Variants in ZC2HC1B observed in about 807,000 individuals in gnomAD.
ZC2HC1B encodes zinc finger C2HC-type containing 1B.
A neutral mutation model predicts 31.0 loss-of-function variants in ZC2HC1B; 36 were observed. That is an observed-to-expected ratio of 1.16 (90% confidence interval 0.89 to 1.54). The LOEUF is 1.54. Among genes scored for constraint, ZC2HC1B ranks in the 40% most tolerant of loss-of-function variants. The probability of loss-of-function intolerance (pLI) is 0.00; values close to 1 mark genes in which losing one functional copy is unlikely to be tolerated. For missense variants in ZC2HC1B, 260 were observed against 268.6 expected (o/e 0.97, Z 0.22); for synonymous variants, 73 against 88.0 (o/e 0.83, Z 0.95).
chr6:143,901,370 G>A (rs971850366), intron 5 of ZC2HC1B, among the ~76,000 whole-genome samples: 1 of 133,362 alleles, frequency 7.5e-6, no homozygotes, highest in African/African-American at 2.9e-5. Context: ...AGCGATTCTT[G>A]TGACCCAGCC....
chr6:143,898,698 A>G lies in ZC2HC1B; in HGVS notation c.489+7A>G, dbSNP rs758970040. 1.4e-5 allele frequency: 21 copies of G among 1,551,874 alleles called. No homozygotes were observed. Among genetic ancestry groups the G allele is most frequent in the South Asian group, 7.1e-5 (6 of 84,054 alleles). Reference sequence around the variant, plus strand: ...ATTGGCATCCAGAGCTCAGGTAACTATCTCTCCCCAGGTGTTGGCTCTTGT... The same window carrying G: ...ATTGGCATCCAGAGCTCAGGTAACTGTCTCTCCCCAGGTGTTGGCTCTTGT... On this transcript the variant is annotated splice_region_variant and intron_variant, in intron 5 of 7. Coordinates refer to ENST00000237275, the MANE Select transcript of ZC2HC1B (RefSeq NM_001013623.3).
chr6:143,889,804 C>A (rs945221536), intron 4 of ZC2HC1B, among the ~76,000 whole-genome samples: 2 of 152,018 alleles, frequency 1.3e-5, no homozygotes, highest in Non-Finnish European at 2.9e-5. Context: ...CAGCAGTAAC[C>A]AATTTGACCT....
Position 143,871,055 on chromosome 6 carries a change from G to A in ZC2HC1B, c.28+6488G>A, listed in dbSNP as rs1347915141. 6.6e-6 allele frequency among the ~76,000 whole-genome samples: 1 copy of A among 152,060 alleles called. No individual in the cohort carries two copies. The highest frequency in any genetic ancestry group is 6.5e-5 in the Admixed American group (1 of 15,270). On this transcript the variant is annotated intron_variant, in intron 1 of 7. Transcript: ENST00000237275. This position sits in a 1 kb window ranked among gnomAD's most constrained non-coding sequence, Gnocchi z 4.1. ...TGCCTCTTTCTTGGTGGTAGGAGGGGCCAAATGCAGCAACTTATCCTTCAT... is the reference window on the plus strand; with the variant it reads ...TGCCTCTTTCTTGGTGGTAGGAGGGACCAAATGCAGCAACTTATCCTTCAT...
At chr6:143,910,992 A>T (rs546632964) in intron 6 of ZC2HC1B, among the ~76,000 whole-genome samples, 1 of 152,240 alleles carries the variant, frequency 6.6e-6, no homozygotes, top group South Asian at 2.1e-4. Context: ...ATCTCAGGTT[A>T]TTCACCTGCC....
intron 6 of ZC2HC1B, among the ~76,000 whole-genome samples, chr6:143,925,346 T>G (rs1368505866): frequency 6.6e-6 from 1 of 150,910 alleles, no homozygotes; most frequent in Admixed American, 6.6e-5. Context: ...TGGCTAATTT[T>G]TTGTATTTTT....
rs1328556846 is a variant in ZC2HC1B, at chr6:143,933,051, G to T, written c.599-4598G>T. Among the ~76,000 whole-genome samples the T allele has an allele frequency of 6.6e-6, 1 of 152,220 alleles. No homozygotes were observed. The highest frequency in any genetic ancestry group is 2.4e-5 in the African/African-American group (1 of 41,452). On this transcript the variant is annotated intron_variant, in intron 6 of 7. Transcript: ENST00000237275. The surrounding 1 kb of genome is among the most constrained non-coding windows in gnomAD (Gnocchi z 6.4). ...ACCTGTTCTGATGGAGGTGGCAGGG[G>T]AGTCAGGTAGACTCTGTGAGAGTCC...
At position 143,934,371 on chromosome 6, in the gene ZC2HC1B, C is replaced by A. The variant is rs1778153837; in HGVS notation, c.599-3278C>A. ...AGTGGGAGCTACTTATCAGCCCTGT[C>A]CCCTATCTGCCATCTTCCCTCTCTT... On this transcript the variant is annotated intron_variant, in intron 6 of 7. Transcript: ENST00000237275. This position sits in a 1 kb window ranked among gnomAD's most constrained non-coding sequence, Gnocchi z 4.6. Among the ~76,000 whole-genome samples the A allele has an allele frequency of 6.6e-6, 1 of 152,200 alleles. No individual in the cohort carries two copies. The highest frequency in any genetic ancestry group is 2.4e-5 in the African/African-American group (1 of 41,466).
At chr6:143,867,109 T>C (rs1408522494) in intron 1 of ZC2HC1B, among the ~76,000 whole-genome samples, 1 of 152,200 alleles carries the variant, frequency 6.6e-6, no homozygotes. Flanking sequence ...TAAGGTGACA[T>C]ACGAAATAAA....
rs1777998562 is a variant in ZC2HC1B, at chr6:143,922,881, A to C, written c.599-14768A>C. ...TGAATAAATACCCAAGAGTGAGATT[A>C]CTAGATTTTGTGTTAGTTGTATTGT... On this transcript the variant is annotated intron_variant, in intron 6 of 7. Coordinates refer to ENST00000237275, the MANE Select transcript of ZC2HC1B (RefSeq NM_001013623.3). This position sits in a 1 kb window ranked among gnomAD's most constrained non-coding sequence, Gnocchi z 5.0. Among the ~76,000 whole-genome samples the C allele has an allele frequency of 6.6e-6, 1 of 152,176 alleles. No homozygotes were observed. Among genetic ancestry groups the C allele is most frequent in the African/African-American group, 2.4e-5 (1 of 41,446 alleles).
At chr6:143,910,182 G>T (rs1319219965) in intron 6 of ZC2HC1B, among the ~76,000 whole-genome samples, 4 of 152,260 alleles carry the variant, frequency 2.6e-5, no homozygotes, top group African/African-American at 9.6e-5. Flanking sequence ...TTCAGGAGCA[G>T]GTTCCATGTA....
At chr6:143,874,838 A>G (rs531082872) in intron 1 of ZC2HC1B, among the ~76,000 whole-genome samples, 1 of 152,020 alleles carries the variant, frequency 6.6e-6, no homozygotes, top group African/African-American at 2.4e-5. Flanking sequence ...TCTTTTATTT[A>G]TTTTTTGTTT....
At chr6:143,882,334 TTATATATATA>T (rs59777839) in intron 1 of ZC2HC1B, among the ~76,000 whole-genome samples, 17 of 85,534 alleles carry the variant, frequency 2.0e-4, no homozygotes, top group South Asian at 1.3e-3. Context: ...TTTATATTTT[TTATATATATA>T]TATATATATA....
chr6:143,930,403 CT>C (rs1436635364), intron 6 of ZC2HC1B, among the ~76,000 whole-genome samples: 14 of 87,120 alleles, frequency 1.6e-4, no homozygotes, highest in African/African-American at 7.0e-4. Context: ...TTTTTTTTTC[CT>C]GAGACGGAGT....
intron 1 of ZC2HC1B, among the ~76,000 whole-genome samples, chr6:143,875,550 T>C (rs1777395884): frequency 6.6e-6 from 1 of 150,892 alleles, no homozygotes; most frequent in Admixed American, 6.6e-5. Flanking sequence ...GATCCAACTC[T>C]ATGTTCCTTC....
rs1003449156 is a variant in ZC2HC1B at position 143,868,296 on chromosome 6, T to C, written c.28+3729T>C. 6.6e-6 allele frequency among the ~76,000 whole-genome samples: 1 copy of C among 152,134 alleles called. No individual in the cohort carries two copies. The highest frequency in any genetic ancestry group is 1.5e-5 in the Non-Finnish European group (1 of 68,026). ...TATATAAAGGGGAATTTATTAAGTA[T>C]TAACTCACAATCACAAGGTCCCACA... is the stretch of plus-strand genomic sequence containing the variant. On this transcript the variant is annotated intron_variant, in intron 1 of 7. Transcript: ENST00000237275. This position sits in a 1 kb window ranked among gnomAD's most constrained non-coding sequence, Gnocchi z 4.2.
At chr6:143,916,832 C>T (rs1777922906) in intron 6 of ZC2HC1B, among the ~76,000 whole-genome samples, 1 of 152,194 alleles carries the variant, frequency 6.6e-6, no homozygotes, top group African/African-American at 2.4e-5. Flanking sequence ...AACTAATTTG[C>T]TTTTGATTTA....
intron 4 of ZC2HC1B, among the ~76,000 whole-genome samples, chr6:143,890,353 C>T (rs1317477870): frequency 1.3e-5 from 2 of 150,582 alleles, no homozygotes. Flanking sequence ...AGAGAAAAAG[C>T]CTTCCACAAA....
chr6:143,917,148 C>T lies in ZC2HC1B; in HGVS notation c.598+13996C>T, dbSNP rs1386589241. ...TGATAGTGAGTAAGTCTCATGAGAT[C>T]TGACGACTTTAAAAAGAGGAGCTCC... is the stretch of plus-strand genomic sequence containing the variant. On this transcript the variant is annotated intron_variant, in intron 6 of 7. Transcript: ENST00000237275. The surrounding 1 kb of genome is among the most constrained non-coding windows in gnomAD (Gnocchi z 4.1). Among the ~76,000 whole-genome samples the T allele has an allele frequency of 6.6e-6, 1 of 152,180 alleles. No individual in the cohort carries two copies. The highest frequency in any genetic ancestry group is 6.5e-5 in the Admixed American group (1 of 15,286).
chr6:143,911,539 C>G lies in ZC2HC1B; in HGVS notation c.598+8387C>G, dbSNP rs1777856122. The stretch of plus-strand genomic sequence containing the variant: ...CCTTTGCTTATGAAGCTTAGTTTGA[C>G]TGGATATGAAATTCTGGGTTGGAAA... On this transcript the variant is annotated intron_variant, in intron 6 of 7. Coordinates refer to ENST00000237275, the MANE Select transcript of ZC2HC1B (RefSeq NM_001013623.3). The surrounding 1 kb of genome is among the most constrained non-coding windows in gnomAD (Gnocchi z 4.5). Among the ~76,000 whole-genome samples, 1 of 152,166 alleles carries G rather than the reference C, an allele frequency of 6.6e-6. No homozygotes were observed.
Sources: allele counts gnomAD v4.1 joint callset (sites outside exome capture counted in the v4.1 genomes callset), GRCh38; gene constraint gnomAD v4.1.1; non-coding constraint Gnocchi (gnomAD v3.1); transcripts MANE v1.5; gene names NCBI Gene and HGNC (gene_info 2026-07-23, HGNC 2026-07-21).